TMC5: variants seen among roughly 807,000 people sequenced by gnomAD.
TMC5 encodes transmembrane channel like 5, also known as transmembrane channel-like protein 5.
A neutral mutation model predicts 110.5 loss-of-function variants in TMC5; 86 were observed. That is an observed-to-expected ratio of 0.78 (90% CI 0.65 to 0.93). The LOEUF is 0.93. Among genes scored for constraint, TMC5 ranks in the 40% least tolerant of loss-of-function variants. The probability of loss-of-function intolerance (pLI) is 0.00; values close to 1 mark genes in which losing one functional copy is unlikely to be tolerated. For missense variants in TMC5, 1,144 were observed against 1,222.8 expected (o/e 0.94, Z 0.96); for synonymous variants, 455 against 439.5 (o/e 1.04, Z -0.44).
intron 1 of TMC5, among the ~76,000 whole-genome samples, chr16:19,423,437 G>A (rs1163877548): frequency 6.6e-6 from 1 of 152,186 alleles, no homozygotes; most frequent in East Asian, 1.9e-4. Context: ...AACTTGGACA[G>A]CGTCGCTGAC....
chr16:19,451,176 A>G (rs374695346), intron 5 of TMC5, among the ~76,000 whole-genome samples: 1 of 152,220 alleles, frequency 6.6e-6, no homozygotes, highest in East Asian at 1.9e-4. Flanking sequence ...AACAGAGGAG[A>G]GAGACTAGAC....
chr16:19,492,927 TATATATCTCTCTATAA>T (rs1043525647), intron 19 of TMC5, among the ~76,000 whole-genome samples: 2 of 114,490 alleles, frequency 1.7e-5, no homozygotes, highest in Non-Finnish European at 4.0e-5. Flanking sequence ...TATATATATA[TATATATCTCTCTATAA>T]GATAAATACT....
At chr16:19,414,387 T>G (rs74013757), upstream of TMC5, among the ~76,000 whole-genome samples, 9,806 of 152,242 alleles carry the variant, frequency 0.064, 1,072 homozygotes, top group African/African-American at 0.22. Flanking sequence ...AAAAATATTT[T>G]CATAGAAGGT....
At chr16:19,420,325 G>T (rs962124044) in intron 1 of TMC5, among the ~76,000 whole-genome samples, 2 of 152,098 alleles carry the variant, frequency 1.3e-5, no homozygotes, top group South Asian at 4.1e-4. Flanking sequence ...CTACTGGAGA[G>T]GCTGAAGCAA....
intron 5 of TMC5, among the ~76,000 whole-genome samples, chr16:19,453,780 AAG>A (rs1458654743): frequency 1.3e-5 from 2 of 152,116 alleles, no homozygotes; most frequent in Non-Finnish European, 2.9e-5. Flanking sequence ...AAAGGAAAGA[AAG>A]AAAAACAAAA....
At chr16:19,494,940 C>T (rs894456305) in intron 20 of TMC5, among the ~76,000 whole-genome samples, 3 of 151,854 alleles carry the variant, frequency 2.0e-5, no homozygotes, top group Admixed American at 6.6e-5. Context: ...CCCGATAATA[C>T]AGAAGTAGAT....
chr16:19,463,211 T>G, intron 6 of TMC5, 69 bp from the exon 7 acceptor site: 1 of 1,213,618 alleles, frequency 8.2e-7, no homozygotes, highest in African/African-American at 1.5e-5. Flanking sequence ...TGAGCCACCA[T>G]GTAACTATTT....
In TMC5 at chr16:19,463,874, C is replaced by T. The variant is rs751382706; in HGVS notation, c.1335C>T (p.Ser445=). The T allele has an allele frequency of 5.6e-6, 9 of 1,614,102 alleles. No individual in the cohort carries two copies. Among genetic ancestry groups the T allele is most frequent in the African/African-American group, 5.3e-5 (4 of 74,946 alleles). ...TCATTGGAGGCAAGTTTGGAACCAG[C>T]GTCCTCTCCTATTTCAACTTTCTGA... ...LKIIGGKFGT[S]VLSYFNFLRW... Residue 445 remains serine (S), a synonymous_variant, in exon 8 of 22, where the codon AGC becomes AGT. Coordinates refer to ENST00000542583, the MANE Select transcript of TMC5 (RefSeq NM_001261841.2).
At chr16:19,479,334 T>C in intron 13 of TMC5, 97 bp from the exon 14 acceptor site, 2 of 913,912 alleles carry the variant, frequency 2.2e-6, no homozygotes, top group Non-Finnish European at 3.7e-6. Context: ...ACCCAACCAT[T>C]AGCTATGTCC....
intron 2 of TMC5, among the ~76,000 whole-genome samples, chr16:19,438,899 G>T (rs1567302523): frequency 6.6e-6 from 1 of 152,214 alleles, no homozygotes; most frequent in Non-Finnish European, 1.5e-5. Flanking sequence ...GCCAGAATAG[G>T]TTCTGAGGGA....
chr16:19,450,680 G>T (rs1033640644), intron 5 of TMC5, among the ~76,000 whole-genome samples: 2 of 152,144 alleles, frequency 1.3e-5, no homozygotes. Flanking sequence ...CTCTAATGCG[G>T]GGGAAGGACT....
intron 5 of TMC5, chr16:19,456,848 T>C: frequency 1.9e-6 from 3 of 1,614,182 alleles, no homozygotes; most frequent in Non-Finnish European, 2.5e-6. Context: ...TTTGTCAATA[T>C]CTGACATTGA....
intron 1 of TMC5, among the ~76,000 whole-genome samples, chr16:19,429,274 G>GATCT (rs1164300689): frequency 1.3e-5 from 2 of 152,218 alleles, no homozygotes; most frequent in African/African-American, 4.8e-5. Context: ...AGCCAACATG[G>GATCT]ATCTCAATAC....
rs150837460 is a variant in TMC5 at position 19,490,711 on chromosome 16, TTTCCTTCCTTCCTTCCTTCC to T, written c.2747+176_2747+195del. 8.3e-3 allele frequency: 3,236 copies of T among 389,596 alleles called. 104 individuals are homozygous for T. The highest frequency in any genetic ancestry group is 0.021 in the African/African-American group (809 of 38,416). 24.1% of individuals were successfully genotyped at this position (389,596 alleles called of 1,614,324 possible). On this transcript the variant is annotated intron_variant, in intron 18 of 21. Transcript: ENST00000542583. ...CTCTACCCTTGCATAGGTAGTTTTC[TTTCCTTCCTTCCTTCCTTCC>T]TTCCTTCCTTCCTTCCTTCCTTCCT...
At chr16:19,414,747 G>A (rs1014181256), upstream of TMC5, among the ~76,000 whole-genome samples, 21 of 151,258 alleles carry the variant, frequency 1.4e-4, no homozygotes, top group African/African-American at 1.9e-4. Flanking sequence ...CCCCGATCTC[G>A]ACAAAAAAGA....
chr16:19,455,102 T>C (rs1967834213), intron 5 of TMC5, among the ~76,000 whole-genome samples: 2 of 151,988 alleles, frequency 1.3e-5, no homozygotes, highest in African/African-American at 4.8e-5. Context: ...ACTACTGCAC[T>C]CCAGCCTGGG....
At chr16:19,496,998 A>C (rs1451597417) in intron 20 of TMC5, 123 bp from the exon 21 acceptor site, 8 of 883,966 alleles carry the variant, frequency 9.1e-6, no homozygotes, top group African/African-American at 3.4e-5. Context: ...ACTTGGCCTT[A>C]ATCTCTCATC....
intron 15 of TMC5, among the ~76,000 whole-genome samples, chr16:19,483,510 G>A (rs1050908570): frequency 6.6e-6 from 1 of 152,176 alleles, no homozygotes; most frequent in African/African-American, 2.4e-5. Flanking sequence ...CAGGTGCGGT[G>A]GCTCATGCCT....
At chr16:19,434,489 TAGATATAGAGAG>T (rs1567300804) in intron 2 of TMC5, among the ~76,000 whole-genome samples, 1 of 76,068 alleles carries the variant, frequency 1.3e-5, no homozygotes, top group African/African-American at 5.8e-5. Flanking sequence ...GATAGATAGA[TAGATATAGAGAG>T]AGAGAGAGAT....
Sources: gnomAD v4.1 joint callset for allele counts (sites outside exome capture counted in the v4.1 genomes callset) on GRCh38, gnomAD v4.1.1 for gene constraint, MANE v1.5 for transcripts, NCBI Gene and HGNC (gene_info 2026-07-23, HGNC 2026-07-21) for gene names.